PCDHGA2: variants seen among roughly 807,000 people sequenced by gnomAD.
The protein encoded by PCDHGA2 is protocadherin gamma-A2.
A neutral mutation model predicts 59.2 loss-of-function variants in PCDHGA2; 40 were observed. The observed-to-expected ratio is 0.68, with a 90% CI of 0.52 to 0.88. PCDHGA2 has a LOEUF of 0.88. Ranked by LOEUF, PCDHGA2 falls within the 40% of genes least tolerant of loss-of-function variation. The pLI, the probability that PCDHGA2 is intolerant of heterozygous loss-of-function variation, is 0.00. For missense variants in PCDHGA2, 1,226 were observed against 1,204.0 expected (o/e 1.02, Z -0.27); for synonymous variants, 560 against 526.0 (o/e 1.06, Z -0.89).
chr5:141,376,493 C>T (rs1772744309), intron 1 of PCDHGA2: 1 of 1,614,130 alleles, frequency 6.2e-7, no homozygotes, highest in Non-Finnish European at 8.5e-7. Flanking sequence ...GAAAGGAGAA[C>T]CCAGGCAACT....
At chr5:141,360,109 G>A (rs1218338018) in intron 1 of PCDHGA2, 1 of 1,561,628 alleles carries the variant, frequency 6.4e-7, no homozygotes, top group African/African-American at 1.4e-5. Flanking sequence ...TTCCTCCTAT[G>A]GGCAAAGGAG....
intron 1 of PCDHGA2, chr5:141,393,493 G>A (rs1034199960): frequency 6.2e-7 from 1 of 1,614,046 alleles, no homozygotes; most frequent in Non-Finnish European, 8.5e-7. Context: ...AGCACAGTGC[G>A]CATCCACGTG....
chr5:141,419,196 A>G (rs2096342064), intron 1 of PCDHGA2: 1 of 1,613,994 alleles, frequency 6.2e-7, no homozygotes, highest in Middle Eastern at 1.6e-4. Context: ...ACTGACGTCA[A>G]TGACAACGCG....
intron 1 of PCDHGA2, chr5:141,421,232 C>G (rs748347420): frequency 1.3e-6 from 2 of 1,590,370 alleles, no homozygotes; most frequent in Non-Finnish European, 1.7e-6. Context: ...CCTGCCATGG[C>G]GAATCGGCTA....
intron 1 of PCDHGA2, chr5:141,352,175 C>T (rs1404224262): frequency 6.2e-7 from 1 of 1,613,662 alleles, no homozygotes; most frequent in South Asian, 1.1e-5. Context: ...CCAGCGCCTG[C>T]TGGTCGCTGT....
intron 1 of PCDHGA2, chr5:141,378,346 A>T (rs761383288): frequency 2.0e-5 from 3 of 152,252 alleles, no homozygotes; most frequent in Non-Finnish European, 2.9e-5. Context: ...AACATGGTGA[A>T]ACCCCGTCTC....
chr5:141,401,189 A>G (rs2094126174), intron 1 of PCDHGA2, among the ~76,000 whole-genome samples: 1 of 152,144 alleles, frequency 6.6e-6, no homozygotes, highest in South Asian at 2.1e-4. Context: ...TAAAAATACA[A>G]AAATTAGCTG....
chr5:141,344,388 G>A, intron 1 of PCDHGA2: 4 of 1,612,378 alleles, frequency 2.5e-6, no homozygotes, highest in East Asian at 2.2e-5. Context: ...AATTTTTGAA[G>A]TAGAAATAGA....
In PCDHGA2 at chr5:141,340,550, G is replaced by A. The variant is rs758328923; in HGVS notation, c.1579G>A (p.Asp527Asn). 6.2e-7 allele frequency: 1 copy of A among 1,614,258 alleles called. No homozygotes were observed. Among genetic ancestry groups the A allele is most frequent in the East Asian group, 2.2e-5 (1 of 44,884 alleles). ...CTCCTTTGATTATGAGCAGTTGCGA[G>A]ACTTGCAAGTGTGGGTGATAGCGCG... ...LRSFDYEQLR[D>N]LQVWVIARDS... Residue 527 changes from aspartate (D) to asparagine (N), a missense_variant, in exon 1 of 4, where the codon GAC becomes AAC. By Grantham distance (23) the Asp-to-Asn change is conservative. Transcript: ENST00000394576.
chr5:141,358,441 C>T (rs1357089273), intron 1 of PCDHGA2, among the ~76,000 whole-genome samples: 5 of 152,054 alleles, frequency 3.3e-5, no homozygotes, highest in African/African-American at 4.8e-5. Context: ...TAACAGGCAA[C>T]GTCAATTTAA....
intron 1 of PCDHGA2, among the ~76,000 whole-genome samples, chr5:141,402,461 C>T (rs892900332): frequency 6.6e-6 from 1 of 151,994 alleles, no homozygotes; most frequent in Non-Finnish European, 1.5e-5. Context: ...GTTTACATAT[C>T]TAGAAATAGA....
intron 3 of PCDHGA2, among the ~76,000 whole-genome samples, chr5:141,510,504 G>A (rs371169260): frequency 1.3e-5 from 2 of 152,154 alleles, no homozygotes; most frequent in African/African-American, 4.8e-5. Flanking sequence ...AAGGAACTGA[G>A]AGCCCGTGTC....
intron 1 of PCDHGA2, chr5:141,390,341 A>G (rs766269615): frequency 6.3e-7 from 1 of 1,587,420 alleles, no homozygotes; most frequent in Non-Finnish European, 8.6e-7. Flanking sequence ...CATATTCACA[A>G]GAAAATATAC....
chr5:141,483,166 A>G (rs1288499520), intron 1 of PCDHGA2, among the ~76,000 whole-genome samples: 1 of 152,138 alleles, frequency 6.6e-6, no homozygotes, highest in Non-Finnish European at 1.5e-5. Flanking sequence ...ATCCTGAGTT[A>G]CCTTTGGGCC....
At chr5:141,498,991 AG>A (rs1449718352) in intron 2 of PCDHGA2, among the ~76,000 whole-genome samples, 8 of 144,362 alleles carry the variant, frequency 5.5e-5, no homozygotes, top group Non-Finnish European at 1.0e-4. Context: ...GAAGGAAGGA[AG>A]GAAGGAAGGA....
rs1365598786 is a variant in PCDHGA2, at chr5:141,339,037, C to T, written c.66C>T (p.Thr22=). 5.6e-6 allele frequency: 9 copies of T among 1,603,578 alleles called. No individual in the cohort carries two copies. The highest frequency in any genetic ancestry group is 7.7e-6 in the Non-Finnish European group (9 of 1,172,218). The change falls in exon 1 of 4, where the codon ACC becomes ACT. Residue 22 remains threonine, a synonymous_variant. Transcript: ENST00000394576. ...TCCTGCTGTGCTTCCTTTTGGCGAC[C>T]CTGTGGGAGGCCAGGGCCGGGCAGA... is the stretch of plus-strand genomic sequence containing the variant. ...KLVLLCFLLA[T]LWEARAGQIR...
chr5:141,409,369 C>T, intron 1 of PCDHGA2: 1 of 1,613,986 alleles, frequency 6.2e-7, no homozygotes, highest in Non-Finnish European at 8.5e-7. Flanking sequence ...TAGAAACAGA[C>T]ATTCCATTCA....
intron 1 of PCDHGA2, among the ~76,000 whole-genome samples, chr5:141,473,948 A>ACC (rs2099333859): frequency 1.3e-5 from 2 of 152,182 alleles, no homozygotes; most frequent in Non-Finnish European, 2.9e-5. Context: ...TCAGGCCTGT[A>ACC]GTCCCATCTA....
chr5:141,495,547 C>G (rs2099762038), intron 2 of PCDHGA2, among the ~76,000 whole-genome samples: 1 of 152,228 alleles, frequency 6.6e-6, no homozygotes, highest in South Asian at 2.1e-4. Flanking sequence ...CAGTCTCTAT[C>G]TCGCTTTGCA....
Sources: allele counts gnomAD v4.1 joint callset (sites outside exome capture counted in the v4.1 genomes callset), GRCh38; gene constraint gnomAD v4.1.1; transcripts MANE v1.5; gene names NCBI Gene and HGNC (gene_info 2026-07-23, HGNC 2026-07-21).